The following EVL variants were observed in gnomAD, a reference collection of about 807,000 sequenced individuals.
The protein encoded by EVL is Enah/Vasp-like.
A neutral mutation model predicts 59.6 loss-of-function variants in EVL; 21 were observed. The observed-to-expected ratio is 0.35, with a 90% confidence interval of 0.25 to 0.51. The LOEUF is 0.51. Among genes scored for constraint, EVL ranks in the 20% least tolerant of loss-of-function variants. The pLI, the probability that EVL is intolerant of heterozygous loss-of-function variation, is 0.97. For synonymous variants in EVL, 198 were observed against 203.5 expected (o/e 0.97, Z 0.23); for missense variants, 462 against 546.6 (o/e 0.85, Z 1.54).
chr14:100,132,366 C>G (rs1566725563), intron 7 of EVL, among the ~76,000 whole-genome samples: 3 of 151,932 alleles, frequency 2.0e-5, no homozygotes, highest in Admixed American at 6.6e-5. Flanking sequence ...GCCTCTCTGT[C>G]CCGTGTGGCC....
At chr14:100,126,635 A>G (rs2140375202) in intron 4 of EVL, 72 bp from the exon 5 acceptor site, 2 of 1,533,786 alleles carry the variant, frequency 1.3e-6, no homozygotes, top group South Asian at 1.1e-5. Context: ...GCCGGCGGGT[A>G]CAGCACAGGC....
At chr14:100,087,773 G>C (rs1449802466) in intron 2 of EVL, among the ~76,000 whole-genome samples, 1 of 152,064 alleles carries the variant, frequency 6.6e-6, no homozygotes. Flanking sequence ...GTCCTGCTCT[G>C]CTCTGCTCTG....
chr14:100,009,608 A>G (rs2061003627), intron 1 of EVL, among the ~76,000 whole-genome samples: 1 of 152,224 alleles, frequency 6.6e-6, no homozygotes, highest in Non-Finnish European at 1.5e-5. Flanking sequence ...ACATTCTCAG[A>G]TTAATTAGAT....
At chr14:100,097,909 C>T (rs1311482569) in intron 3 of EVL, among the ~76,000 whole-genome samples, 1 of 152,242 alleles carries the variant, frequency 6.6e-6, no homozygotes, top group Non-Finnish European at 1.5e-5. Flanking sequence ...CCTGAAGCCA[C>T]ATATCCAGAT....
intron 1 of EVL, among the ~76,000 whole-genome samples, chr14:100,024,136 T>G (rs1477430554): frequency 1.3e-5 from 2 of 152,376 alleles, no homozygotes; most frequent in East Asian, 3.9e-4. Flanking sequence ...GTTACTATTT[T>G]GAGTCTGTTT....
At chr14:100,118,806 T>C (rs1276820770) in intron 3 of EVL, among the ~76,000 whole-genome samples, 1 of 152,196 alleles carries the variant, frequency 6.6e-6, no homozygotes, top group African/African-American at 2.4e-5. Flanking sequence ...TCATGGCTCC[T>C]AAGAGTAAAA....
chr14:100,071,606 A>G (rs1461302603), intron 1 of EVL, among the ~76,000 whole-genome samples: 1 of 152,252 alleles, frequency 6.6e-6, no homozygotes, highest in Non-Finnish European at 1.5e-5. Context: ...GCTTTTTGGC[A>G]TCCTCAATAA....
At chr14:100,006,785 C>T (rs1041975845) in intron 1 of EVL, among the ~76,000 whole-genome samples, 2 of 140,480 alleles carry the variant, frequency 1.4e-5, no homozygotes, top group Non-Finnish European at 3.0e-5. Flanking sequence ...AACTTGCCTT[C>T]TTTGTGTTGG....
chr14:99,980,324 G>A (rs1342883856), intron 1 of EVL, among the ~76,000 whole-genome samples: 1 of 152,190 alleles, frequency 6.6e-6, no homozygotes, highest in Non-Finnish European at 1.5e-5. Context: ...GGACGGCCGT[G>A]CAGGCATCTG....
Position 99,979,521 on chromosome 14 carries a change from C to T in EVL, c.5+7464C>T, listed in dbSNP as rs181751625. On this transcript the variant is annotated intron_variant, in intron 1 of 13. Coordinates refer to the EVL transcript ENST00000402714. ...TGTGAAGTTGGCCCTCTGTGTCTGT[C>T]GATTCTGCATCTGTGGGTTCAACCA... Among the ~76,000 whole-genome samples the T allele has an allele frequency of 7.7e-4, 117 of 151,372 alleles. 2 individuals are homozygous for T. Among genetic ancestry groups the T allele is most frequent in the African/African-American group, 2.7e-3 (112 of 41,230 alleles).
chr14:100,038,662 C>T (rs569532289), intron 1 of EVL, among the ~76,000 whole-genome samples: 1 of 152,170 alleles, frequency 6.6e-6, no homozygotes, highest in Middle Eastern at 3.4e-3. Context: ...CAGAATAATG[C>T]TAGAACTTCA....
At chr14:100,015,500 G>A (rs1006415730) in intron 1 of EVL, among the ~76,000 whole-genome samples, 2 of 152,144 alleles carry the variant, frequency 1.3e-5, no homozygotes, top group African/African-American at 4.8e-5. Flanking sequence ...GGCTAGGGAG[G>A]GTATTCTTAG....
intron 1 of EVL, among the ~76,000 whole-genome samples, chr14:100,021,648 C>T (rs1030699501): frequency 1.3e-5 from 2 of 152,194 alleles, no homozygotes; most frequent in African/African-American, 4.8e-5. Flanking sequence ...CTGGACCCCA[C>T]TCCCAGAATT....
At chr14:100,033,335 A>G (rs2061341963) in intron 1 of EVL, among the ~76,000 whole-genome samples, 1 of 152,146 alleles carries the variant, frequency 6.6e-6, no homozygotes, top group Non-Finnish European at 1.5e-5. Context: ...TCTAATTTTC[A>G]CAGTAATCCT....
upstream of EVL, among the ~76,000 whole-genome samples, chr14:100,062,771 C>T (rs2061860546): frequency 1.3e-5 from 2 of 152,224 alleles, no homozygotes; most frequent in African/African-American, 2.4e-5. Context: ...GCCATCACCC[C>T]GCCGTAATCC....
intron 1 of EVL, among the ~76,000 whole-genome samples, chr14:100,080,541 G>A (rs2062274910): frequency 1.3e-5 from 2 of 152,222 alleles, no homozygotes; most frequent in South Asian, 4.1e-4. Flanking sequence ...ATAAGTGATA[G>A]AAGTGCAGTC....
chr14:99,999,300 C>G (rs556819997), intron 1 of EVL, among the ~76,000 whole-genome samples: 2 of 152,258 alleles, frequency 1.3e-5, no homozygotes, highest in South Asian at 4.1e-4. Flanking sequence ...GTCAGGCAGC[C>G]TGAATTTGAG....
chr14:100,143,450 C>A (rs1055483633), intron 13 of EVL, among the ~76,000 whole-genome samples: 9 of 152,204 alleles, frequency 5.9e-5, no homozygotes, highest in African/African-American at 1.9e-4. Flanking sequence ...AGGGCACAGG[C>A]CTCTGTCCCT....
rs145101513 is a variant in EVL, at chr14:100,122,903, G to T, written c.359-636G>T. 6.6e-5 allele frequency among the ~76,000 whole-genome samples: 10 copies of T among 152,336 alleles called. No individual in the cohort carries two copies. In the East Asian group the frequency reaches 1.9e-3, roughly 29 times the overall value. ...GTCCAGGGCAGGGTGTGGCCAGAAA[G>T]TTCCACACCAGTCTAGAACAAGGGG... On this transcript the variant is annotated intron_variant, in intron 3 of 13. Coordinates refer to ENST00000392920, the MANE Select transcript of EVL (RefSeq NM_016337.3).
Sources: gnomAD v4.1 joint callset for allele counts (sites outside exome capture counted in the v4.1 genomes callset) on GRCh38, gnomAD v4.1.1 for gene constraint, MANE v1.5 for transcripts, NCBI Gene and HGNC (gene_info 2026-07-23, HGNC 2026-07-21) for gene names.